SH3RF2: variants seen among roughly 807,000 people sequenced by gnomAD.
The protein encoded by SH3RF2 is SH3 domain containing ring finger 2.
A neutral mutation model predicts 59.0 loss-of-function variants in SH3RF2; 43 were observed. The observed-to-expected ratio is 0.73, with a 90% confidence interval of 0.57 to 0.94. The LOEUF is 0.94. Among genes scored for constraint, SH3RF2 ranks in the 40% least tolerant of loss-of-function variants. SH3RF2 has a pLI of 0.00. For missense variants in SH3RF2, 930 were observed against 940.1 expected, an observed-to-expected ratio of 0.99 and a Z score of 0.14; for synonymous variants, 391 against 391.5, an observed-to-expected ratio of 1.00 and a Z score of 0.01.
intron 5 of SH3RF2, among the ~76,000 whole-genome samples, chr5:146,046,268 A>G (rs757278537): frequency 6.6e-6 from 1 of 152,216 alleles, no homozygotes; most frequent in Non-Finnish European, 1.5e-5. Flanking sequence ...AAGATTTGCA[A>G]TGGACCAATG....
chr5:146,012,306 A>ATAT (rs1193992498), intron 4 of SH3RF2, among the ~76,000 whole-genome samples: 5 of 152,172 alleles, frequency 3.3e-5, no homozygotes, highest in African/African-American at 9.6e-5. Flanking sequence ...TTCATCAGGG[A>ATAT]TATTGGTCTA....
At chr5:146,052,539 G>A (rs1191807341) in intron 7 of SH3RF2, among the ~76,000 whole-genome samples, 3 of 152,102 alleles carry the variant, frequency 2.0e-5, no homozygotes, top group Non-Finnish European at 4.4e-5. Flanking sequence ...TTGTTTATGG[G>A]GAACCAACAT....
At chr5:146,071,330 T>C (rs1052864493) in intron 9 of SH3RF2, among the ~76,000 whole-genome samples, 1 of 152,168 alleles carries the variant, frequency 6.6e-6, no homozygotes, top group African/African-American at 2.4e-5. Flanking sequence ...GAGGACTGCA[T>C]TGCACGAAGA....
chr5:145,966,631 A>G (rs1758867515), intron 2 of SH3RF2, among the ~76,000 whole-genome samples: 1 of 152,214 alleles, frequency 6.6e-6, no homozygotes, highest in South Asian at 2.1e-4. Context: ...GTGGGGGAAA[A>G]CAAGAGAAAG....
At chr5:146,034,569 G>T (rs7730462) in intron 5 of SH3RF2, among the ~76,000 whole-genome samples, 1 of 151,970 alleles carries the variant, frequency 6.6e-6, no homozygotes, top group African/African-American at 2.4e-5. Context: ...CTGGGACCCT[G>T]GTGGACTTTG....
chr5:146,074,451 G>C (rs1169620747), intron 9 of SH3RF2, among the ~76,000 whole-genome samples: 3 of 152,000 alleles, frequency 2.0e-5, no homozygotes, highest in Non-Finnish European at 4.4e-5. Context: ...TCTCTACAAC[G>C]AGGGACTTGG....
Position 146,062,488 on chromosome 5 carries a change from T to C in SH3RF2, c.1977T>C (p.His659=). ...CTCCCACCAAACATTACACCTCCCA[T>C]CCCACCTCCGGAAAGCCTGAACAGC... ...SPPPTKHYTS[H]PTSGKPEQPA... The change falls in exon 10 of 10, where the codon CAT becomes CAC. Residue 659 remains histidine, a synonymous_variant. Transcript: ENST00000359120. The C allele has an allele frequency of 6.2e-7, 1 of 1,614,076 alleles. No individual in the cohort carries two copies. The highest frequency in any genetic ancestry group is 8.5e-7 in the Non-Finnish European group (1 of 1,179,998).
In SH3RF2 at chr5:146,062,964, T is replaced by C. The variant is rs1448352258; in HGVS notation, c.*263T>C. 3 of 503,424 alleles carry C rather than the reference T, an allele frequency of 6.0e-6. No individual in the cohort carries two copies. The highest frequency in any genetic ancestry group is 3.8e-5 in the African/African-American group (2 of 52,084). 31.2% of individuals were successfully genotyped at this position (503,424 alleles called of 1,614,324 possible). On this transcript the variant is annotated 3_prime_UTR_variant, in exon 10 of 10. Coordinates refer to ENST00000359120, the MANE Select transcript of SH3RF2 (RefSeq NM_152550.4). ...CAGACCAAGGAGTGAAAAATTGTCG[T>C]GCCCACTTTATGCCCCAGCATGGAG...
At chr5:145,949,068 A>C (rs1225491775) in intron 2 of SH3RF2, among the ~76,000 whole-genome samples, 2 of 152,220 alleles carry the variant, frequency 1.3e-5, no homozygotes, top group African/African-American at 2.4e-5. Context: ...GAAAGGAGAC[A>C]TATCAGCCAT....
intron 9 of SH3RF2, among the ~76,000 whole-genome samples, chr5:146,060,648 G>A (rs1463207137): frequency 6.6e-6 from 1 of 152,214 alleles, no homozygotes; most frequent in Non-Finnish European, 1.5e-5. Context: ...TGGCCACACA[G>A]TAATGGAGTG....
chr5:146,062,667 C>T lies in SH3RF2; in HGVS notation c.2156C>T (p.Ala719Val), dbSNP rs1157013816. Residue 719 changes from alanine (A) to valine (V), a missense_variant, in exon 10 of 10, where the codon GCC (alanine) becomes GTC (valine). Transcript: ENST00000359120. The part of the protein sequence containing the change: ...LGKATTLVST[A>V]SGTQTVFPSK ...AAGGCCACAACCCTGGTGTCCACTGCCTCAGGCACGCAGACCGTGTTTCCC... is the reference window on the plus strand; with the variant it reads ...AAGGCCACAACCCTGGTGTCCACTGTCTCAGGCACGCAGACCGTGTTTCCC... 3 of 1,614,142 alleles carry T rather than the reference C, an allele frequency of 1.9e-6. No homozygotes were observed. The highest frequency in any genetic ancestry group is 1.3e-5 in the African/African-American group (1 of 75,062).
intron 8 of SH3RF2, among the ~76,000 whole-genome samples, chr5:146,059,044 T>C (rs1363942212): frequency 1.3e-5 from 2 of 152,150 alleles, no homozygotes; most frequent in African/African-American, 4.8e-5. Flanking sequence ...GCACACCAAA[T>C]AGAATGCAAT....
chr5:145,999,957 A>G (rs1388930517), intron 2 of SH3RF2, 101 bp from the exon 3 acceptor site: 10 of 1,409,596 alleles, frequency 7.1e-6, no homozygotes, highest in Non-Finnish European at 9.5e-6. Flanking sequence ...GTATTTGCAA[A>G]GCATGTTAAA....
At chr5:145,974,170 G>T in intron 2 of SH3RF2, among the ~76,000 whole-genome samples, 1 of 152,218 alleles carries the variant, frequency 6.6e-6, no homozygotes, top group East Asian at 1.9e-4. Flanking sequence ...GCTTCCTTCA[G>T]CTCCTAGAGA....
intron 2 of SH3RF2, among the ~76,000 whole-genome samples, chr5:145,984,646 AATGACCTTAT>A (rs1332703591): frequency 2.6e-5 from 4 of 152,184 alleles, no homozygotes; most frequent in Admixed American, 6.5e-5. Flanking sequence ...TGTTGAAAGA[AATGACCTTAT>A]GTCCAGTGGA....
chr5:146,055,620 C>T (rs371209266), intron 7 of SH3RF2, among the ~76,000 whole-genome samples: 50 of 152,204 alleles, frequency 3.3e-4, no homozygotes, highest in African/African-American at 9.9e-4. Context: ...CACTGTAAAA[C>T]GAAATAAACA....
intron 2 of SH3RF2, chr5:145,997,113 G>A: frequency 1.6e-6 from 1 of 625,940 alleles, no homozygotes; most frequent in South Asian, 1.9e-5. Flanking sequence ...GGCATTTGTT[G>A]TGCAGGTTAT....
At chr5:146,043,940 CAT>C (rs1369811614) in intron 5 of SH3RF2, 2 of 152,124 alleles carry the variant, frequency 1.3e-5, no homozygotes, top group Admixed American at 1.3e-4. Flanking sequence ...CTTCTATGGA[CAT>C]ATGTTTTCAT....
intron 9 of SH3RF2, among the ~76,000 whole-genome samples, chr5:146,069,943 T>C (rs1357311924): frequency 6.6e-6 from 1 of 150,734 alleles, no homozygotes; most frequent in Admixed American, 6.7e-5. Context: ...CAATTCCTTG[T>C]TTAAGATCAC....
Sources: gnomAD v4.1 joint callset for allele counts (sites outside exome capture counted in the v4.1 genomes callset) on GRCh38, gnomAD v4.1.1 for gene constraint, MANE v1.5 for transcripts, NCBI Gene and HGNC (gene_info 2026-07-23, HGNC 2026-07-21) for gene names.